ANO3: variants seen among roughly 807,000 people sequenced by gnomAD.
The protein encoded by ANO3 is anoctamin 3.
ANO3 carries 99 observed loss-of-function variants against 144.8 expected under a neutral mutation model. That is an observed-to-expected ratio of 0.68 (90% CI 0.58 to 0.81). ANO3 has a LOEUF of 0.81. Among genes scored for constraint, ANO3 ranks in the 30% least tolerant of loss-of-function variants. ANO3 has a pLI of 0.00. For synonymous variants in ANO3, 414 were observed against 392.6 expected, an observed-to-expected ratio of 1.05 and a Z score of -0.64; for missense variants, 905 against 1,202.2, an observed-to-expected ratio of 0.75 and a Z score of 3.66.
At chr11:26,308,677 G>T (rs1046811346), upstream of ANO3, among the ~76,000 whole-genome samples, 1 of 152,080 alleles carries the variant, frequency 6.6e-6, no homozygotes, top group Non-Finnish European at 1.5e-5. Flanking sequence ...CAAACATTTG[G>T]GAACAGGGAA....
intron 14 of ANO3, among the ~76,000 whole-genome samples, chr11:26,586,421 C>T (rs1851279951): frequency 7.3e-6 from 1 of 136,692 alleles, no homozygotes; most frequent in African/African-American, 2.8e-5. Context: ...TATTGTTGAG[C>T]AATAAATATT....
At chr11:26,342,086 T>C (rs1219252500) in intron 1 of ANO3, among the ~76,000 whole-genome samples, 2 of 152,126 alleles carry the variant, frequency 1.3e-5, no homozygotes, top group Non-Finnish European at 2.9e-5. Flanking sequence ...CACATAATAT[T>C]AACCATCAAA....
intron 4 of ANO3, among the ~76,000 whole-genome samples, chr11:26,488,821 G>A (rs1860577086): frequency 1.3e-5 from 2 of 152,108 alleles, no homozygotes; most frequent in African/African-American, 2.4e-5. Context: ...AAAGGGACCC[G>A]AGCAGGTTGC....
In ANO3 at chr11:26,301,705, C is replaced by A. The variant is rs568808022; in HGVS notation, c.155-7940C>A. Among the ~76,000 whole-genome samples, 317 of 152,306 alleles carry A rather than the reference C, an allele frequency of 2.1e-3. 1 individual carries two copies. The highest frequency in any genetic ancestry group is 6.2e-3 in the African/African-American group (259 of 41,566). On this transcript the variant is annotated intron_variant, in intron 1 of 27. Transcript: ENST00000672621. ...GTTAAGTTCAGGTAAAAGATTCTTA[C>A]ATACCTACAGTTGCAAAAACCCTTA...
chr11:26,598,530 A>G, intron 15 of ANO3, 83 bp downstream of exon 15: 1 of 960,088 alleles, frequency 1.0e-6, no homozygotes, highest in Non-Finnish European at 1.6e-6. Context: ...TCCGGCTGGA[A>G]GCAGTTAACC....
At chr11:26,243,792 G>A (rs899136150) in intron 1 of ANO3, among the ~76,000 whole-genome samples, 1 of 152,058 alleles carries the variant, frequency 6.6e-6, no homozygotes, top group Non-Finnish European at 1.5e-5. Context: ...GAGATTCTCA[G>A]AAAAATCTTA....
chr11:26,584,498 A>G (rs1365975235), intron 14 of ANO3, among the ~76,000 whole-genome samples: 1 of 152,222 alleles, frequency 6.6e-6, no homozygotes, highest in African/African-American at 2.4e-5. Flanking sequence ...AATAATGGAA[A>G]GATGACAAGA....
chr11:26,206,878 C>A (rs1590192994), intron 1 of ANO3, among the ~76,000 whole-genome samples: 1 of 152,088 alleles, frequency 6.6e-6, no homozygotes, highest in East Asian at 1.9e-4. Flanking sequence ...TAAAATAAGT[C>A]AAGTTAATAG....
chr11:26,419,067 C>A (rs948589917), intron 1 of ANO3, among the ~76,000 whole-genome samples: 1 of 152,096 alleles, frequency 6.6e-6, no homozygotes, highest in Admixed American at 6.6e-5. Flanking sequence ...ATGATGCTGG[C>A]ATCTACTTGT....
At chr11:26,647,597 G>A in intron 23 of ANO3, 112 bp from the exon 24 acceptor site, 1 of 954,756 alleles carries the variant, frequency 1.0e-6, no homozygotes, top group Non-Finnish European at 1.6e-6. Flanking sequence ...AGCACATAGT[G>A]GACAGAGCTG....
chr11:26,647,756 A>C lies in ANO3; in HGVS notation c.2476A>C (p.Thr826Pro). 3.1e-6 allele frequency: 5 copies of C among 1,612,848 alleles called. No homozygotes were observed. The highest frequency in any genetic ancestry group is 4.2e-6 in the Non-Finnish European group (5 of 1,179,208). The change falls in exon 24 of 27, where the codon ACC (threonine) becomes CCC (proline). Residue 826 changes from threonine to proline, a missense_variant. Physicochemically the swap from Thr to Pro is conservative, Grantham distance 38. Transcript: ENST00000256737. ...LEGIGILAVI[T>P]NAFVIAITSD... ...AGGAATCGGTATATTGGCTGTGATCACCAATGCATTTGTAATTGCTATTAC... is the reference window on the plus strand; with the variant it reads ...AGGAATCGGTATATTGGCTGTGATCCCCAATGCATTTGTAATTGCTATTAC...
At chr11:26,541,729 A>C (rs1320838818) in intron 10 of ANO3, among the ~76,000 whole-genome samples, 1 of 152,146 alleles carries the variant, frequency 6.6e-6, no homozygotes, top group East Asian at 1.9e-4. Context: ...TGTATTTTTT[A>C]AGTAATTTAA....
chr11:26,260,774 G>A (rs1853169776), intron 1 of ANO3, among the ~76,000 whole-genome samples: 1 of 152,076 alleles, frequency 6.6e-6, no homozygotes, highest in African/African-American at 2.4e-5. Context: ...TGTTTTTGCT[G>A]CATGGCTTCA....
At chr11:26,349,166 A>T (rs1855571446) in intron 1 of ANO3, among the ~76,000 whole-genome samples, 1 of 152,236 alleles carries the variant, frequency 6.6e-6, no homozygotes, top group African/African-American at 2.4e-5. Context: ...CAACTCAGTT[A>T]AAATAATTTC....
At chr11:26,287,761 C>T (rs11029479) in intron 1 of ANO3, among the ~76,000 whole-genome samples, 3,258 of 152,258 alleles carry the variant, frequency 0.021, 61 homozygotes, top group East Asian at 0.12. Flanking sequence ...AGTTTCTCAA[C>T]TAGCCTATTA....
chr11:26,217,369 C>T (rs995035155), intron 1 of ANO3, among the ~76,000 whole-genome samples: 2 of 151,996 alleles, frequency 1.3e-5, no homozygotes, highest in Non-Finnish European at 2.9e-5. Context: ...TGTTTTATCT[C>T]TCTCAGCTTG....
At chr11:26,291,584 T>C (rs1395698831) in intron 1 of ANO3, among the ~76,000 whole-genome samples, 3 of 152,084 alleles carry the variant, frequency 2.0e-5, no homozygotes, top group Non-Finnish European at 2.9e-5. Flanking sequence ...TCCTTCAGGA[T>C]CTCTTGTAAG....
At chr11:26,407,068 G>A (rs1185394096) in intron 1 of ANO3, among the ~76,000 whole-genome samples, 4,234 of 96,236 alleles carry the variant, frequency 0.044, 133 homozygotes, top group Middle Eastern at 0.086. Flanking sequence ...GTGTGTGTGT[G>A]TGTGTGTGTA....
At chr11:26,416,859 C>G (rs1429661393) in intron 1 of ANO3, among the ~76,000 whole-genome samples, 1 of 152,042 alleles carries the variant, frequency 6.6e-6, no homozygotes, top group Non-Finnish European at 1.5e-5. Context: ...CACATACTTT[C>G]AAAGCCTGGG....
Sources: allele counts gnomAD v4.1 joint callset (sites outside exome capture counted in the v4.1 genomes callset), GRCh38; gene constraint gnomAD v4.1.1; transcripts MANE v1.5; gene names NCBI Gene and HGNC (gene_info 2026-07-23, HGNC 2026-07-21).